The following PTPRO variants were observed in gnomAD, a reference collection of about 807,000 sequenced individuals.
PTPRO encodes the protein receptor-type tyrosine-protein phosphatase O.
In PTPRO, 62 loss-of-function variants were observed where a neutral mutation model predicts 145.2. That is an observed-to-expected ratio of 0.43 (90% confidence interval 0.35 to 0.53). The LOEUF (loss-of-function observed/expected upper bound fraction) is 0.53, where lower values mean the gene tolerates loss of function less well. Ranked by LOEUF, PTPRO falls within the 20% of genes least tolerant of loss-of-function variation. The pLI is 0.01. For missense variants in PTPRO, 1,345 were observed against 1,482.7 expected, an observed-to-expected ratio of 0.91 and a Z score of 1.53; for synonymous variants, 565 against 514.7, an observed-to-expected ratio of 1.10 and a Z score of -1.32.
chr12:15,495,534 A>G (rs1942082032), intron 2 of PTPRO, among the ~76,000 whole-genome samples: 1 of 151,944 alleles, frequency 6.6e-6, no homozygotes, highest in African/African-American at 2.4e-5. Flanking sequence ...AATTCTCTCA[A>G]TTCTAAAAGT....
Position 15,449,503 on chromosome 12 carries a change from A to G in PTPRO, c.76-34471A>G, listed in dbSNP as rs559201923. Among the ~76,000 whole-genome samples, 3 of 152,348 alleles carry G rather than the reference A, an allele frequency of 2.0e-5. No individual in the cohort carries two copies. The East Asian group carries it at 5.8e-4, about 29-fold the overall frequency. Reference sequence around the variant, plus strand: ...GCAAACTTGTGGTTATATAGGATGAACAGACCAAGAGATCTACTGTACAGT... The same window carrying G: ...GCAAACTTGTGGTTATATAGGATGAGCAGACCAAGAGATCTACTGTACAGT... On this transcript the variant is annotated intron_variant, in intron 1 of 26. Transcript: ENST00000281171.
At position 15,570,617 on chromosome 12, in the gene PTPRO, C is replaced by T. The variant is rs190886751; in HGVS notation, c.2829+1119C>T. ...TGCATAGGATATTATAGATGCTACA[C>T]CAAATGCTATACTCAAAGAAATTCA... On this transcript the variant is annotated intron_variant, in intron 19 of 26. Transcript: ENST00000281171. 3.5e-4 allele frequency among the ~76,000 whole-genome samples: 53 copies of T among 152,174 alleles called. 1 individual carries two copies. In the East Asian group the frequency reaches 8.9e-3, roughly 25 times the overall value.
chr12:15,516,266 C>T (rs1281723566), intron 8 of PTPRO, among the ~76,000 whole-genome samples: 1 of 147,476 alleles, frequency 6.8e-6, no homozygotes, highest in Non-Finnish European at 1.5e-5. Context: ...GGATTACAGG[C>T]ATGAGCCACC....
chr12:15,484,070 G>T lies in PTPRO; in HGVS notation c.172G>T (p.Val58Leu). ...CATCAGTCCAGCATCTGTGTATGTTGTGAAGATAACTGGTGAATCCAAAAA... is the reference window on the plus strand; with the variant it reads ...CATCAGTCCAGCATCTGTGTATGTTTTGAAGATAACTGGTGAATCCAAAAA... ...DVISPASVYV[V>L]KITGESKNYF... The change falls in exon 2 of 27, where the codon GTG (valine) becomes TTG (leucine). Residue 58 changes from valine (V) to leucine (L), a missense_variant. Physicochemically the swap from Val to Leu is conservative, Grantham distance 32. Transcript: ENST00000281171. 1.2e-6 allele frequency: 2 copies of T among 1,613,816 alleles called. No homozygotes were observed. Among genetic ancestry groups the T allele is most frequent in the Non-Finnish European group, 1.7e-6 (2 of 1,179,790 alleles).
intron 12 of PTPRO, among the ~76,000 whole-genome samples, chr12:15,530,707 C>T (rs1437962860): frequency 2.6e-5 from 4 of 151,986 alleles, no homozygotes; most frequent in African/African-American, 9.7e-5. Context: ...ATACCAAAAT[C>T]TGTGGGATAT....
Position 15,488,236 on chromosome 12 carries a change from T to A in PTPRO, c.349+3989T>A, listed in dbSNP as rs147053900. Among the ~76,000 whole-genome samples, 11 of 152,320 alleles carry A rather than the reference T, an allele frequency of 7.2e-5. No homozygotes were observed. The East Asian group carries it at 2.1e-3, about 29-fold the overall frequency. On this transcript the variant is annotated intron_variant, in intron 2 of 26. Coordinates refer to ENST00000281171, the MANE Select transcript of PTPRO (RefSeq NM_030667.3). ...AGAGTAAAATTAATTCATGATGGTC[T>A]ATTAAATATTATCTTGTACCTCATT... is the stretch of plus-strand genomic sequence containing the variant.
At chr12:15,529,467 T>TAA (rs371217992) in intron 12 of PTPRO, among the ~76,000 whole-genome samples, 69 of 131,686 alleles carry the variant, frequency 5.2e-4, no homozygotes, top group African/African-American at 6.2e-4. Context: ...TCATCTCTAC[T>TAA]AAAAAAAAAA....
chr12:15,511,684 G>C (rs1217749736), intron 7 of PTPRO, among the ~76,000 whole-genome samples: 1 of 152,016 alleles, frequency 6.6e-6, no homozygotes, highest in Non-Finnish European at 1.5e-5. Context: ...TCCTGCCCCA[G>C]CCTCCCAATT....
chr12:15,381,971 T>G (rs979467649), intron 1 of PTPRO, among the ~76,000 whole-genome samples: 1 of 152,048 alleles, frequency 6.6e-6, no homozygotes, highest in Non-Finnish European at 1.5e-5. Context: ...TGTGGAAGAT[T>G]ATCTGAGCAA....
intron 7 of PTPRO, among the ~76,000 whole-genome samples, chr12:15,509,843 G>A (rs146360899): frequency 2.2e-4 from 33 of 152,250 alleles, no homozygotes; most frequent in Non-Finnish European, 4.4e-4. Flanking sequence ...TCTTGTGAGT[G>A]GCTAGCAGAA....
intron 1 of PTPRO, among the ~76,000 whole-genome samples, chr12:15,340,646 T>C (rs1290262925): frequency 1.3e-5 from 2 of 152,238 alleles, no homozygotes; most frequent in African/African-American, 2.4e-5. Context: ...CAGAGCTGAA[T>C]GTAATGTTAC....
At chr12:15,557,032 G>T (rs74795707) in intron 15 of PTPRO, among the ~76,000 whole-genome samples, 64 of 139,926 alleles carry the variant, frequency 4.6e-4, no homozygotes, top group Middle Eastern at 3.6e-3. Flanking sequence ...CTTTTATTTT[G>T]TTTTTTTTTT....
chr12:15,598,225 T>A lies in PTPRO; in HGVS notation c.*2152T>A, dbSNP rs979712144. On this transcript the variant is annotated 3_prime_UTR_variant, in exon 27 of 27. Transcript: ENST00000281171. ...CACTGTTGCTCTTCAGTTTGTAGAGTTTATGATGGAAAAGGCATCAGTCTG... is the reference window on the plus strand; with the variant it reads ...CACTGTTGCTCTTCAGTTTGTAGAGATTATGATGGAAAAGGCATCAGTCTG... Among the ~76,000 whole-genome samples, 3 of 152,092 alleles carry A rather than the reference T, an allele frequency of 2.0e-5. No homozygotes were observed. In the South Asian group the frequency reaches 6.2e-4, roughly 32 times the overall value.
intron 1 of PTPRO, among the ~76,000 whole-genome samples, chr12:15,432,323 G>T (rs1167348140): frequency 8.5e-5 from 13 of 152,294 alleles, no homozygotes; most frequent in Admixed American, 5.2e-4. Flanking sequence ...TCCCTGCAAA[G>T]GACATGATTG....
intron 1 of PTPRO, among the ~76,000 whole-genome samples, chr12:15,462,901 G>A (rs1941337098): frequency 6.6e-6 from 1 of 152,092 alleles, no homozygotes; most frequent in Admixed American, 6.5e-5. Flanking sequence ...ACTTAAAAAT[G>A]TAGATGCATT....
At chr12:15,513,550 A>C (rs1354995677) in intron 7 of PTPRO, among the ~76,000 whole-genome samples, 1 of 152,214 alleles carries the variant, frequency 6.6e-6, no homozygotes, top group Admixed American at 6.5e-5. Flanking sequence ...TTCAGATTAC[A>C]TAATTTCTAC....
Position 15,497,379 on chromosome 12 carries a change from G to T in PTPRO, c.484G>T (p.Asp162Tyr). Residue 162 changes from aspartate (D) to tyrosine (Y), a missense_variant, in exon 3 of 27, where the codon GAC becomes TAC. By Grantham distance (160) the Asp-to-Tyr change is radical. Transcript: ENST00000281171. ...RVNISYWEGK[D>Y]FRTMLYKDFF... ...GAACATTAGCTACTGGGAAGGTAAA[G>T]ACTTCCGGACAATGCTATATAAAGG... is the stretch of plus-strand genomic sequence containing the variant. 6.2e-7 allele frequency: 1 copy of T among 1,613,526 alleles called. No individual in the cohort carries two copies. Among genetic ancestry groups the T allele is most frequent in the Non-Finnish European group, 8.5e-7 (1 of 1,179,664 alleles).
Position 15,336,539 on chromosome 12 carries a change from G to C in PTPRO, c.75+13738G>C, listed in dbSNP as rs77865681. Among the ~76,000 whole-genome samples, 675 of 152,252 alleles carry C rather than the reference G, an allele frequency of 4.4e-3. 22 individuals are homozygous for C. In the East Asian group the frequency reaches 0.11, roughly 25 times the overall value. ...ATTACACACATAGCAAAACTTCAGA[G>C]GCTATATTGGCAGGCATTTATTTTC... is the stretch of plus-strand genomic sequence containing the variant. On this transcript the variant is annotated intron_variant, in intron 1 of 26. Transcript: ENST00000281171.
At chr12:15,364,579 T>C (rs1482946241) in intron 1 of PTPRO, among the ~76,000 whole-genome samples, 1 of 152,150 alleles carries the variant, frequency 6.6e-6, no homozygotes, top group Non-Finnish European at 1.5e-5. Context: ...TTAGTAAAGA[T>C]GTGCATTCCA....
Sources: allele counts gnomAD v4.1 joint callset (sites outside exome capture counted in the v4.1 genomes callset), GRCh38; gene constraint gnomAD v4.1.1; transcripts MANE v1.5; gene names NCBI Gene and HGNC (gene_info 2026-07-23, HGNC 2026-07-21).